PLCB4: variants seen among roughly 807,000 people sequenced by gnomAD.
PLCB4 encodes phospholipase C beta 4, also known as 1-phosphatidylinositol 4,5-bisphosphate phosphodiesterase beta-4.
In PLCB4, 77 loss-of-function variants were observed where a neutral mutation model predicts 178.8. The observed-to-expected ratio is 0.43, with a 90% CI of 0.36 to 0.52. The LOEUF (loss-of-function observed/expected upper bound fraction) is 0.52. Among genes scored for constraint, PLCB4 ranks in the 20% least tolerant of loss-of-function variants. The probability of loss-of-function intolerance (pLI) is 0.00; values close to 1 mark genes in which losing one functional copy is unlikely to be tolerated. For synonymous variants in PLCB4, 496 were observed against 490.8 expected (o/e 1.01, Z -0.14); for missense variants, 1,024 against 1,453.4 (o/e 0.70, Z 4.80).
intron 2 of PLCB4, among the ~76,000 whole-genome samples, chr20:9,134,299 T>A (rs2146831993): frequency 6.6e-6 from 1 of 152,344 alleles, no homozygotes; most frequent in South Asian, 2.1e-4. Context: ...CACAGTAATT[T>A]ACTATTTTCC....
At chr20:9,339,174 C>G (rs2032882741) in intron 7 of PLCB4, 137 bp downstream of exon 7, 1 of 733,164 alleles carries the variant, frequency 1.4e-6, no homozygotes, top group Non-Finnish European at 2.2e-6. Flanking sequence ...TGACATGTTT[C>G]TGTAGAAAAT....
intron 1 of PLCB4, among the ~76,000 whole-genome samples, chr20:9,076,204 C>CG (rs1440767832): frequency 1.3e-5 from 2 of 152,104 alleles, no homozygotes; most frequent in African/African-American, 4.8e-5. Context: ...CGATGGCTCA[C>CG]GCCTGTAATT....
chr20:9,421,338 C>A lies in PLCB4; in HGVS notation c.2196C>A (p.Thr732=). 1 of 1,613,718 alleles carries A rather than the reference C, an allele frequency of 6.2e-7. No homozygotes were observed. The highest frequency in any genetic ancestry group is 8.5e-7 in the Non-Finnish European group (1 of 1,179,746). Residue 732 remains threonine, a synonymous_variant, in exon 27 of 40, where the codon ACC becomes ACA. Transcript: ENST00000378473. ...TCTTATCAGATAAGAAAATTGGCAC[C>A]TACGTAGAGGTGGATATGTATGGGT... is the stretch of plus-strand genomic sequence containing the variant. ...GQFLSDKKIG[T]YVEVDMYGLP...
intron 30 of PLCB4, among the ~76,000 whole-genome samples, chr20:9,443,017 T>A (rs1304053851): frequency 6.6e-5 from 10 of 152,192 alleles, no homozygotes; most frequent in Non-Finnish European, 1.5e-4. Context: ...TTGCCTAAGA[T>A]GAAAATCTGC....
chr20:9,466,163 T>C (rs2043768099), intron 35 of PLCB4, among the ~76,000 whole-genome samples: 2 of 152,142 alleles, frequency 1.3e-5, no homozygotes, highest in South Asian at 4.2e-4. Flanking sequence ...TTGACAAACC[T>C]GACAAAAACA....
intron 3 of PLCB4, among the ~76,000 whole-genome samples, chr20:9,231,125 T>C (rs910074305): frequency 1.3e-5 from 2 of 152,202 alleles, no homozygotes; most frequent in Non-Finnish European, 2.9e-5. Context: ...ACAACGTTGG[T>C]TGGCTTTTAT....
In PLCB4 at chr20:9,403,239, G is replaced by A. The variant is rs143250216; in HGVS notation, c.1611+1649G>A. On this transcript the variant is annotated intron_variant, in intron 20 of 39. Transcript: ENST00000378473. The stretch of plus-strand genomic sequence containing the variant: ...ACAGGTTGAGCTAGAGATACAAGTT[G>A]GGAGTTCAAAAGATCGTATTTGAAA... Among the ~76,000 whole-genome samples the A allele has an allele frequency of 3.3e-5, 5 of 152,240 alleles. No individual in the cohort carries two copies. The East Asian group carries it at 7.7e-4, about 23-fold the overall frequency.
chr20:9,212,902 A>G (rs1173012558), intron 2 of PLCB4, among the ~76,000 whole-genome samples: 2 of 152,086 alleles, frequency 1.3e-5, no homozygotes, highest in Non-Finnish European at 2.9e-5. Flanking sequence ...AAAATGTACA[A>G]TTCAGTGGTT....
intron 2 of PLCB4, among the ~76,000 whole-genome samples, chr20:9,172,619 C>T (rs8116771): frequency 0.043 from 4,339 of 99,926 alleles, 115 homozygotes; most frequent in African/African-American, 0.1. Flanking sequence ...CATTTCCATT[C>T]GCATTTCCTT....
At chr20:9,199,417 A>G (rs1271862523) in intron 2 of PLCB4, among the ~76,000 whole-genome samples, 5 of 152,190 alleles carry the variant, frequency 3.3e-5, no homozygotes, top group Non-Finnish European at 1.5e-5. Flanking sequence ...TTGAGAATAA[A>G]CCTAAAGGAC....
chr20:9,195,763 C>T (rs1248595954), intron 2 of PLCB4, among the ~76,000 whole-genome samples: 1 of 152,122 alleles, frequency 6.6e-6, no homozygotes, highest in Non-Finnish European at 1.5e-5. Flanking sequence ...TCCCTAACTG[C>T]ATGAGCCAAT....
intron 12 of PLCB4, among the ~76,000 whole-genome samples, 198 bp downstream of exon 12, chr20:9,373,302 A>G (rs1384512819): frequency 1.3e-5 from 2 of 152,178 alleles, no homozygotes; most frequent in Non-Finnish European, 1.5e-5. Context: ...TTGGCTTTGC[A>G]CACCACTTTT....
At chr20:9,115,356 C>T (rs2091738059) in intron 2 of PLCB4, among the ~76,000 whole-genome samples, 1 of 151,582 alleles carries the variant, frequency 6.6e-6, no homozygotes, top group Admixed American at 6.6e-5. Flanking sequence ...ATATATAACC[C>T]TCCCTATATA....
chr20:9,248,570 T>C (rs948778363), intron 3 of PLCB4, among the ~76,000 whole-genome samples: 1 of 152,230 alleles, frequency 6.6e-6, no homozygotes, highest in Admixed American at 6.5e-5. Flanking sequence ...GCCTTTTGTG[T>C]CAGATTAACT....
intron 7 of PLCB4, among the ~76,000 whole-genome samples, chr20:9,343,635 T>G (rs1194522287): frequency 6.6e-6 from 1 of 152,188 alleles, no homozygotes; most frequent in Non-Finnish European, 1.5e-5. Context: ...GCTTTGAGAG[T>G]AAATACGTTT....
At chr20:9,142,734 T>G (rs1211221244) in intron 2 of PLCB4, among the ~76,000 whole-genome samples, 1 of 152,146 alleles carries the variant, frequency 6.6e-6, no homozygotes, top group African/African-American at 2.4e-5. Flanking sequence ...TGTCTGTTCC[T>G]GCTTGAGCCC....
chr20:9,464,098 T>C (rs2043595335), intron 35 of PLCB4, among the ~76,000 whole-genome samples: 1 of 152,124 alleles, frequency 6.6e-6, no homozygotes, highest in East Asian at 1.9e-4. Flanking sequence ...CACAGTGCAA[T>C]CAAATTAGAA....
chr20:9,410,669 T>C (rs930667307), intron 24 of PLCB4, among the ~76,000 whole-genome samples: 1 of 152,102 alleles, frequency 6.6e-6, no homozygotes, highest in African/African-American at 2.4e-5. Context: ...ATATTCACCC[T>C]CCCGGGTATC....
chr20:9,418,110 T>G (rs1007981532), intron 25 of PLCB4, among the ~76,000 whole-genome samples: 3 of 152,174 alleles, frequency 2.0e-5, no homozygotes, highest in African/African-American at 7.2e-5. Flanking sequence ...AATTTTTTCC[T>G]TTTTGTGACT....
Sources: gnomAD v4.1 joint callset for allele counts (sites outside exome capture counted in the v4.1 genomes callset) on GRCh38, gnomAD v4.1.1 for gene constraint, MANE v1.5 for transcripts, NCBI Gene and HGNC (gene_info 2026-07-23, HGNC 2026-07-21) for gene names.